GRIN2A: variants seen among roughly 807,000 people sequenced by gnomAD.
The protein encoded by GRIN2A is glutamate receptor ionotropic, NMDA 2A.
Under a neutral mutation model 113.4 loss-of-function variants are expected in GRIN2A, and 22 were observed. The observed-to-expected ratio is 0.19, with a 90% CI of 0.14 to 0.28. GRIN2A has a LOEUF of 0.28. GRIN2A is among the 10% of genes least tolerant of loss of function. The pLI, the probability that GRIN2A is intolerant of heterozygous loss-of-function variation, is 1.00. For missense variants in GRIN2A, 1,502 were observed against 1,887.0 expected, an observed-to-expected ratio of 0.80 and a Z score of 3.78; for synonymous variants, 827 against 738.4, an observed-to-expected ratio of 1.12 and a Z score of -1.94.
At chr16:10,003,736 T>A (rs943035324) in intron 2 of GRIN2A, among the ~76,000 whole-genome samples, 1 of 152,156 alleles carries the variant, frequency 6.6e-6, no homozygotes, top group Admixed American at 6.5e-5. Flanking sequence ...GTCGGCAGAA[T>A]ATCTAGGGAA....
At chr16:10,029,117 A>C (rs1377617138) in intron 2 of GRIN2A, among the ~76,000 whole-genome samples, 1 of 152,102 alleles carries the variant, frequency 6.6e-6, no homozygotes, top group African/African-American at 2.4e-5. Context: ...GTCCCCACTG[A>C]ATCCATTTAT....
intron 2 of GRIN2A, among the ~76,000 whole-genome samples, chr16:10,002,935 C>T (rs186993790): frequency 4.6e-5 from 7 of 152,266 alleles, no homozygotes; most frequent in African/African-American, 1.4e-4. Flanking sequence ...AACCATAAGG[C>T]CTTTTATTCT....
intron 11 of GRIN2A, among the ~76,000 whole-genome samples, chr16:9,777,241 A>G (rs1901659215): frequency 6.6e-6 from 1 of 152,190 alleles, no homozygotes; most frequent in Non-Finnish European, 1.5e-5. Flanking sequence ...TCAAAAGGAC[A>G]AAACAAAGGC....
intron 2 of GRIN2A, among the ~76,000 whole-genome samples, chr16:10,027,959 C>G (rs1430927107): frequency 1.3e-5 from 2 of 152,170 alleles, no homozygotes; most frequent in Non-Finnish European, 2.9e-5. Context: ...TCCAGGGAAC[C>G]TCTCCTACAT....
intron 2 of GRIN2A, among the ~76,000 whole-genome samples, chr16:10,002,534 T>G (rs1313776435): frequency 6.6e-6 from 1 of 152,150 alleles, no homozygotes; most frequent in Non-Finnish European, 1.5e-5. Flanking sequence ...ATAGGTACCT[T>G]CCTCACAGTA....
At chr16:9,978,167 G>T (rs970198704) in intron 2 of GRIN2A, among the ~76,000 whole-genome samples, 1 of 152,184 alleles carries the variant, frequency 6.6e-6, no homozygotes, top group Admixed American at 6.5e-5. Context: ...TAAAGAAAAA[G>T]CAATGGGTTG....
rs892472988 is a variant in GRIN2A, at chr16:9,992,554, G to C, written c.415-54003C>G. On this transcript the variant is annotated intron_variant, in intron 2 of 12. Coordinates refer to ENST00000330684, the MANE Select transcript of GRIN2A (RefSeq NM_001134407.3). ...GGTGAAAATAACCCGCCTCGTTTTA[G>C]CTCCTTCCACCGGAGGCAAGGAACA... Among the ~76,000 whole-genome samples, 7 of 152,302 alleles carry C rather than the reference G, an allele frequency of 4.6e-5. No homozygotes were observed. In the East Asian group the frequency reaches 5.8e-4, roughly 13 times the overall value.
At chr16:9,887,745 AAAAC>A (rs571901014) in intron 4 of GRIN2A, among the ~76,000 whole-genome samples, 42 of 152,300 alleles carry the variant, frequency 2.8e-4, no homozygotes, top group Admixed American at 2.5e-3. Flanking sequence ...CGTTTATTAA[AAAAC>A]AAACAAAAAA....
intron 2 of GRIN2A, among the ~76,000 whole-genome samples, chr16:10,067,087 A>AT (rs1373785323): frequency 1.3e-5 from 2 of 152,124 alleles, no homozygotes; most frequent in Non-Finnish European, 2.9e-5. Flanking sequence ...ACTCTCTCAC[A>AT]TTTTTTCTCT....
chr16:9,977,645 G>T (rs1363140505), intron 2 of GRIN2A, among the ~76,000 whole-genome samples: 1 of 152,036 alleles, frequency 6.6e-6, no homozygotes, highest in Non-Finnish European at 1.5e-5. Flanking sequence ...AGGCAGCTTT[G>T]CCACTAAATT....
intron 2 of GRIN2A, among the ~76,000 whole-genome samples, chr16:9,949,710 T>C (rs920467987): frequency 4.0e-5 from 6 of 149,334 alleles, no homozygotes; most frequent in Admixed American, 1.3e-4. Flanking sequence ...GGTGGTTGGA[T>C]GGATGGACGG....
chr16:9,936,769 G>A (rs1277054440), intron 3 of GRIN2A, among the ~76,000 whole-genome samples: 2 of 152,182 alleles, frequency 1.3e-5, no homozygotes, highest in Non-Finnish European at 2.9e-5. Flanking sequence ...TAGAATATAA[G>A]AAGGGAAAAA....
chr16:9,872,754 G>A (rs1426335673), intron 4 of GRIN2A, among the ~76,000 whole-genome samples: 1 of 152,180 alleles, frequency 6.6e-6, no homozygotes, highest in South Asian at 2.1e-4. Context: ...CAGATGTGGT[G>A]GCTCACGCTT....
chr16:9,857,748 G>T (rs2042993889), intron 4 of GRIN2A, among the ~76,000 whole-genome samples: 1 of 152,194 alleles, frequency 6.6e-6, no homozygotes, highest in African/African-American at 2.4e-5. Context: ...AATGCTATGT[G>T]CTATGTATTG....
intron 11 of GRIN2A, among the ~76,000 whole-genome samples, chr16:9,771,254 C>T (rs180724639): frequency 1.2e-3 from 186 of 150,644 alleles, no homozygotes; most frequent in Non-Finnish European, 2.0e-3. Context: ...TTCATTCTCT[C>T]CTCTAGGTTA....
At chr16:10,159,456 A>T (rs1320295785) in intron 2 of GRIN2A, among the ~76,000 whole-genome samples, 1 of 152,134 alleles carries the variant, frequency 6.6e-6, no homozygotes, top group Non-Finnish European at 1.5e-5. Flanking sequence ...TCCAACTACT[A>T]AGGACTATAT....
intron 2 of GRIN2A, among the ~76,000 whole-genome samples, chr16:10,021,005 C>A (rs546212676): frequency 6.6e-6 from 1 of 152,290 alleles, no homozygotes; most frequent in East Asian, 1.9e-4. Context: ...TTGTGCTAAA[C>A]CGCTTACCAA....
chr16:9,769,779 T>A (rs1459197129), intron 11 of GRIN2A, among the ~76,000 whole-genome samples: 1 of 152,208 alleles, frequency 6.6e-6, no homozygotes, highest in Non-Finnish European at 1.5e-5. Context: ...TGCTACTATT[T>A]ACTGTTGTGA....
At chr16:10,112,251 C>G in intron 2 of GRIN2A, 1 of 629,150 alleles carries the variant, frequency 1.6e-6, no homozygotes, top group Non-Finnish European at 2.9e-6. Flanking sequence ...TTACATCAAA[C>G]AGAAGTACCT....
Sources: gnomAD v4.1 joint callset for allele counts (sites outside exome capture counted in the v4.1 genomes callset) on GRCh38, gnomAD v4.1.1 for gene constraint, MANE v1.5 for transcripts, NCBI Gene and HGNC (gene_info 2026-07-23, HGNC 2026-07-21) for gene names.